Variants in ZNF679 observed in about 807,000 individuals in gnomAD.
The protein encoded by ZNF679 is hypothetical protein MGC42415.
ZNF679 carries 10 observed loss-of-function variants against 13.4 expected under a neutral mutation model. The ratio of observed to expected loss-of-function variants is 0.75; its 90% CI spans 0.46 to 1.27. The LOEUF (loss-of-function observed/expected upper bound fraction) is 1.27. ZNF679 is among the 50% of genes most tolerant of loss of function. The pLI is 0.00. For synonymous variants in ZNF679, 179 were observed against 162.5 expected, an observed-to-expected ratio of 1.10 and a Z score of -0.77; for missense variants, 525 against 477.8, an observed-to-expected ratio of 1.10 and a Z score of -0.92.
At chr7:64,235,787 C>CAAGAAAGAAAGAAAGA (rs71060565) in intron 1 of ZNF679, among the ~76,000 whole-genome samples, 23 of 142,946 alleles carry the variant, frequency 1.6e-4, no homozygotes, top group African/African-American at 4.4e-4. Context: ...GAAACCCCGT[C>CAAGAAAGAAAGAAAGA]AAGAAAGAAA....
At chr7:64,244,912 A>G (rs1266734715) in intron 1 of ZNF679, among the ~76,000 whole-genome samples, 4 of 152,268 alleles carry the variant, frequency 2.6e-5, no homozygotes, top group Non-Finnish European at 5.9e-5. Context: ...GCTGGATGGT[A>G]GAAACCAAGA....
chr7:64,266,115 G>T lies in ZNF679; in HGVS notation c.482G>T (p.Cys161Phe), dbSNP rs776612578. Residue 161 changes from cysteine to phenylalanine, a missense_variant, in exon 5 of 5, where the codon TGT (cysteine) becomes TTT (phenylalanine). Physicochemically the swap from Cys to Phe is radical, Grantham distance 205. Transcript: ENST00000421025. ...TQNKIFQTHK[C>F]VKVFGKFSNS... ...AACAAAATATTTCAGACTCATAAAT[G>T]TGTCAAAGTCTTCGGCAAATTTTCA... 25 of 1,611,438 alleles carry T rather than the reference G, an allele frequency of 1.6e-5. No homozygotes were observed. Among genetic ancestry groups the T allele is most frequent in the African/African-American group, 1.3e-5 (1 of 74,916 alleles).
intron 1 of ZNF679, among the ~76,000 whole-genome samples, chr7:64,236,274 G>A (rs534316927): frequency 6.6e-5 from 10 of 151,976 alleles, no homozygotes; most frequent in Admixed American, 2.6e-4. Context: ...AAAAAAAGGA[G>A]TAAATTCTTT....
chr7:64,266,404 AC>A lies in ZNF679; in HGVS notation c.772del (p.His258IlefsTer87), dbSNP rs763774383. 6.2e-7 allele frequency: 1 copy of A among 1,612,954 alleles called. No individual in the cohort carries two copies. The highest frequency in any genetic ancestry group is 2.2e-5 in the East Asian group (1 of 44,630). Reference protein sequence around the residue: ...AFTWSSTLTKHRRIHTGEKPY... With the variant: ...AFTWSSTLTKXRRIHTGEKPY... ...TTACCTGGTCCTCAACCCTTACTAA[AC>A]ATAGGAGAATTCATACTGGAGAAAA... On this transcript the variant is annotated frameshift_variant, in exon 5 of 5. Coordinates refer to ENST00000421025, the MANE Select transcript of ZNF679 (RefSeq NM_153363.3). LOFTEE classifies it low-confidence loss of function (END_TRUNC).
chr7:64,230,416 C>A (rs979082859), intron 1 of ZNF679, among the ~76,000 whole-genome samples: 4 of 151,746 alleles, frequency 2.6e-5, no homozygotes, highest in African/African-American at 9.7e-5. Flanking sequence ...GCCTGTAGTC[C>A]CAGCTACTGG....
rs757909601 is a variant in ZNF679 at position 64,266,350 on chromosome 7, C to T, written c.717C>T (p.Pro239=). The T allele has an allele frequency of 6.9e-5, 112 of 1,613,376 alleles. 5 individuals carry two copies. The highest frequency in any genetic ancestry group is 5.9e-4 in the South Asian group (54 of 91,026). The part of the protein sequence containing the change: ...KHKRIHTGEK[P]YRCEECGKAF... ...AAAGAATTCATACTGGAGAGAAACCCTACAGATGTGAGGAATGTGGCAAAG... is the reference window on the plus strand; with the variant it reads ...AAAGAATTCATACTGGAGAGAAACCTTACAGATGTGAGGAATGTGGCAAAG... Residue 239 remains proline (P), a synonymous_variant, in exon 5 of 5, where the codon CCC becomes CCT. Coordinates refer to ENST00000421025, the MANE Select transcript of ZNF679 (RefSeq NM_153363.3).
chr7:64,236,981 A>AAG lies in ZNF679; in HGVS notation c.-91+8331_-91+8332dup, dbSNP rs1787733993. On this transcript the variant is annotated intron_variant, in intron 1 of 4. Transcript: ENST00000421025. ...AGAAAGAAAGAAAGAAAGAAAAAGA[A>AAG]AGAAAGAAAGAAAGAAAGAAAAAGA... 1.2e-4 allele frequency among the ~76,000 whole-genome samples: 7 copies of AAG among 56,004 alleles called. 1 individual carries two copies. The highest frequency in any genetic ancestry group is 5.8e-4 in the Admixed American group (3 of 5,206). The allele number at this position is 56,004 out of a possible 152,430, so 36.7% of individuals were successfully genotyped here.
chr7:64,246,568 CA>C (rs1197192553), intron 1 of ZNF679, among the ~76,000 whole-genome samples: 1 of 151,990 alleles, frequency 6.6e-6, no homozygotes, highest in African/African-American at 2.4e-5. Context: ...ACTAAAAATA[CA>C]AAAATTAGCT....
In ZNF679 at chr7:64,266,240, C is replaced by T. The variant is rs1177184342; in HGVS notation, c.607C>T (p.Gln203Ter). 1 of 1,581,006 alleles carries T rather than the reference C, an allele frequency of 6.3e-7. No individual in the cohort carries two copies. Among genetic ancestry groups the T allele is most frequent in the East Asian group, 2.3e-5 (1 of 42,918 alleles). ...FCMVSQLHQH[Q>*]IIHTRENSYQ... ...CATGGTTTCACAACTACATCAACATCAGATAATTCATACTAGGGAGAATTC... is the reference window on the plus strand; with the variant it reads ...CATGGTTTCACAACTACATCAACATTAGATAATTCATACTAGGGAGAATTC... Residue 203 changes from glutamine to a stop codon, truncating the protein, a stop_gained, in exon 5 of 5, where the codon CAG becomes TAG. Transcript: ENST00000421025. LOFTEE classifies it low-confidence loss of function (END_TRUNC).
At chr7:64,265,383 T>C (rs1788129706) in intron 4 of ZNF679, among the ~76,000 whole-genome samples, 1 of 152,226 alleles carries the variant, frequency 6.6e-6, no homozygotes. Context: ...ACCTATTTTC[T>C]ATCCATGTAC....
chr7:64,255,014 A>AAAG (rs1554372355), intron 2 of ZNF679, among the ~76,000 whole-genome samples: 6 of 150,374 alleles, frequency 4.0e-5, no homozygotes, highest in Non-Finnish European at 7.4e-5. Flanking sequence ...AAAAAAAAAA[A>AAAG]AAAGAAAAAA....
In ZNF679 at chr7:64,239,199, C is replaced by T. The variant is rs542756140; in HGVS notation, c.-90-9829C>T. Among the ~76,000 whole-genome samples the T allele has an allele frequency of 2.0e-5, 3 of 152,258 alleles. No homozygotes were observed. In the South Asian group the frequency reaches 6.2e-4, roughly 32 times the overall value. On this transcript the variant is annotated intron_variant, in intron 1 of 4. Coordinates refer to ENST00000421025, the MANE Select transcript of ZNF679 (RefSeq NM_153363.3). ...AGTTAAGAGTTGTAATTGTGACTCT[C>T]ATATACGGATCCAGTCCACAGGTGA...
chr7:64,241,359 C>G (rs1325935690), intron 1 of ZNF679, among the ~76,000 whole-genome samples: 2 of 152,222 alleles, frequency 1.3e-5, no homozygotes, highest in African/African-American at 4.8e-5. Context: ...GGTTGCATCA[C>G]CTGGGTGCTG....
intron 2 of ZNF679, among the ~76,000 whole-genome samples, chr7:64,251,532 TTTGTC>T (rs528381077): frequency 6.8e-4 from 104 of 152,252 alleles, no homozygotes; most frequent in African/African-American, 2.3e-3. Context: ...TGCCTCTTCT[TTTGTC>T]TTGTTCAAGC....
At chr7:64,240,518 C>T (rs1392125264) in intron 1 of ZNF679, among the ~76,000 whole-genome samples, 1 of 152,176 alleles carries the variant, frequency 6.6e-6, no homozygotes, top group Non-Finnish European at 1.5e-5. Context: ...GATACAGTGT[C>T]ATAACAGGAC....
chr7:64,248,152 G>A (rs1158658639), intron 1 of ZNF679, among the ~76,000 whole-genome samples: 1 of 152,078 alleles, frequency 6.6e-6, no homozygotes, highest in Admixed American at 6.5e-5. Context: ...AAAGAGAACC[G>A]GGGATGGGGA....
intron 2 of ZNF679, among the ~76,000 whole-genome samples, chr7:64,259,068 C>T (rs538414884): frequency 1.0e-3 from 158 of 152,018 alleles, no homozygotes; most frequent in African/African-American, 3.5e-3. Flanking sequence ...CCTGCCACCA[C>T]GCCCAGCTAA....
intron 1 of ZNF679, among the ~76,000 whole-genome samples, chr7:64,245,965 G>A (rs1219467671): frequency 6.6e-6 from 1 of 152,054 alleles, no homozygotes; most frequent in African/African-American, 2.4e-5. Flanking sequence ...AAGATCTCAC[G>A]ATTACACTCC....
intron 1 of ZNF679, among the ~76,000 whole-genome samples, chr7:64,233,383 T>C (rs1372382124): frequency 6.6e-6 from 1 of 152,018 alleles, no homozygotes; most frequent in Non-Finnish European, 1.5e-5. Context: ...TCCTAGCTAT[T>C]GGGAGGCTGA....
Sources: gnomAD v4.1 joint callset for allele counts (sites outside exome capture counted in the v4.1 genomes callset) on GRCh38, gnomAD v4.1.1 for gene constraint, MANE v1.5 for transcripts, NCBI Gene and HGNC (gene_info 2026-07-23, HGNC 2026-07-21) for gene names.